Variants in TBC1D4 observed in about 807,000 individuals in gnomAD.
TBC1D4 encodes the protein TBC (Tre-2, BUB2, CDC16) domain-containing protein.
Under a neutral mutation model 142.5 loss-of-function variants are expected in TBC1D4, and 121 were observed. The ratio of observed to expected loss-of-function variants is 0.85; its 90% CI spans 0.73 to 0.99. The LOEUF is 0.99. TBC1D4 is among the 50% of genes least tolerant of loss of function. The pLI, the probability that TBC1D4 is intolerant of heterozygous loss-of-function variation, is 0.00. For missense variants in TBC1D4, 1,475 were observed against 1,606.6 expected, an observed-to-expected ratio of 0.92 and a Z score of 1.40; for synonymous variants, 630 against 628.2, an observed-to-expected ratio of 1.00 and a Z score of -0.04.
chr13:75,405,722 A>T (rs1885307285), intron 1 of TBC1D4, among the ~76,000 whole-genome samples: 1 of 152,190 alleles, frequency 6.6e-6, no homozygotes, highest in South Asian at 2.1e-4. Flanking sequence ...TTACCAAAAA[A>T]AGGTTGTAAA....
intron 1 of TBC1D4, among the ~76,000 whole-genome samples, chr13:75,409,808 C>T (rs915545351): frequency 1.3e-5 from 2 of 152,124 alleles, no homozygotes; most frequent in African/African-American, 4.8e-5. Context: ...TTTAGCGAAC[C>T]CTTTGCTAGA....
At chr13:75,374,020 G>A (rs892621138) in intron 1 of TBC1D4, among the ~76,000 whole-genome samples, 2 of 152,076 alleles carry the variant, frequency 1.3e-5, no homozygotes, top group South Asian at 2.1e-4. Context: ...CTTCATCTAC[G>A]CACCTCACAC....
At chr13:75,437,203 TG>T (rs1333249514) in intron 1 of TBC1D4, among the ~76,000 whole-genome samples, 3 of 152,324 alleles carry the variant, frequency 2.0e-5, no homozygotes, top group African/African-American at 7.2e-5. Flanking sequence ...GTGGATTAAA[TG>T]GTAACAACAG....
intron 1 of TBC1D4, among the ~76,000 whole-genome samples, chr13:75,441,460 T>G (rs1228650198): frequency 3.9e-5 from 6 of 152,140 alleles, no homozygotes; most frequent in Non-Finnish European, 4.4e-5. Context: ...GAATATCTAA[T>G]CAATCTCGAA....
chr13:75,473,773 A>C (rs1888513244), intron 1 of TBC1D4, among the ~76,000 whole-genome samples: 1 of 152,232 alleles, frequency 6.6e-6, no homozygotes, highest in South Asian at 2.1e-4. Context: ...AGATTATCTG[A>C]AATGAAACCA....
At chr13:75,361,572 G>T (rs1466537593) in intron 2 of TBC1D4, among the ~76,000 whole-genome samples, 2 of 152,140 alleles carry the variant, frequency 1.3e-5, no homozygotes, top group African/African-American at 2.4e-5. Flanking sequence ...TAGAGACGGG[G>T]TTTTGCCATG....
intron 1 of TBC1D4, among the ~76,000 whole-genome samples, chr13:75,481,046 AGCCGGCCG>A (rs1888840546): frequency 2.6e-5 from 4 of 152,126 alleles, no homozygotes; most frequent in African/African-American, 9.7e-5. Context: ...TCCCTGCTGT[AGCCGGCCG>A]GCCGCTCCCG....
Position 75,285,474 on chromosome 13 carries a change from G to C in TBC1D4, c.*1318C>G, listed in dbSNP as rs1874580531. The C allele has an allele frequency of 6.6e-6, 1 of 152,420 alleles. No homozygotes were observed. Among genetic ancestry groups the C allele is most frequent in the South Asian group, 2.1e-4 (1 of 4,828 alleles). 9.4% of individuals were successfully genotyped at this position (152,420 alleles called of 1,614,324 possible). A position where few individuals can be genotyped will look rare whatever the true frequency, so the allele number is the denominator to read the frequency against. On this transcript the variant is annotated 3_prime_UTR_variant, in exon 21 of 21. Transcript: ENST00000377636. The stretch of plus-strand genomic sequence containing the variant: ...CTATCATAGAATCATCTCTGAAAAA[G>C]AGAACTGCAAATGTACTTTGAAAAT...
At chr13:75,338,975 G>A (rs1880452124) in intron 7 of TBC1D4, among the ~76,000 whole-genome samples, 1 of 152,096 alleles carries the variant, frequency 6.6e-6, no homozygotes, top group Non-Finnish European at 1.5e-5. Flanking sequence ...TCTTCACTCA[G>A]TTCCTTCCCC....
At chr13:75,337,725 A>C (rs1210103971) in intron 7 of TBC1D4, among the ~76,000 whole-genome samples, 1 of 152,214 alleles carries the variant, frequency 6.6e-6, no homozygotes, top group Non-Finnish European at 1.5e-5. Context: ...CAAATACCAA[A>C]GCAGGAAGAT....
chr13:75,314,978 T>C (rs1480709507), intron 12 of TBC1D4, among the ~76,000 whole-genome samples: 1 of 149,812 alleles, frequency 6.7e-6, no homozygotes, highest in African/African-American at 2.5e-5. Context: ...AGGCTCCATG[T>C]CAAAATAAAA....
Position 75,460,715 on chromosome 13 carries a change from G to T in TBC1D4, c.498+20555C>A, listed in dbSNP as rs1478615920. On this transcript the variant is annotated intron_variant, in intron 1 of 20. Coordinates refer to ENST00000377636, the MANE Select transcript of TBC1D4 (RefSeq NM_014832.5). ...GCGGAAGGATCGCTTGATCCCAAGA[G>T]TTCAACACTGGCCTGGGCAACACAG... is the stretch of plus-strand genomic sequence containing the variant. 2.0e-5 allele frequency among the ~76,000 whole-genome samples: 3 copies of T among 151,990 alleles called. No homozygotes were observed. The East Asian group carries it at 5.8e-4, about 29-fold the overall frequency.
intron 4 of TBC1D4, among the ~76,000 whole-genome samples, chr13:75,353,192 C>A (rs1014118692): frequency 1.3e-5 from 2 of 152,178 alleles, no homozygotes; most frequent in African/African-American, 2.4e-5. Flanking sequence ...AGCATGTTCC[C>A]AGACTTTCTA....
In TBC1D4 at chr13:75,481,456, G is replaced by GC. The variant is rs749748051; in HGVS notation, c.311dup (p.Thr105HisfsTer2). The GC allele has an allele frequency of 3.1e-6, 5 of 1,613,664 alleles. No individual in the cohort carries two copies. The highest frequency in any genetic ancestry group is 2.2e-5 in the East Asian group (1 of 44,842). On this transcript the variant is annotated frameshift_variant, in exon 1 of 21. Coordinates refer to ENST00000377636, the MANE Select transcript of TBC1D4 (RefSeq NM_014832.5). LOFTEE classifies it high-confidence loss of function. ...TGGGCTGCGTGGCCGACGGACTAGT[G>GC]CCCCCCGAGGCCCCAGCGCCCGGCG...
rs1888915332 is a variant in TBC1D4, at chr13:75,482,046, C to A, written c.-279G>T. On this transcript the variant is annotated 5_prime_UTR_variant, in exon 1 of 21. Coordinates refer to ENST00000377636, the MANE Select transcript of TBC1D4 (RefSeq NM_014832.5). ...CTCCTCCTTGGGCTGGCGCCTCGGG[C>A]AGGACCTCCCCTTCCTCCGTCGCGG... The A allele has an allele frequency of 2.8e-6, 1 of 360,246 alleles. No homozygotes were observed. Among genetic ancestry groups the A allele is most frequent in the East Asian group, 4.4e-5 (1 of 22,910 alleles). 22.3% of individuals were successfully genotyped at this position (360,246 alleles called of 1,614,324 possible). A position where few individuals can be genotyped will look rare whatever the true frequency, so the allele number is the denominator to read the frequency against.
At chr13:75,466,335 C>T (rs1888165158) in intron 1 of TBC1D4, among the ~76,000 whole-genome samples, 1 of 152,182 alleles carries the variant, frequency 6.6e-6, no homozygotes, top group African/African-American at 2.4e-5. Flanking sequence ...ATGGGATTTT[C>T]CTGCATTTAC....
chr13:75,326,454 T>A (rs765077204), intron 9 of TBC1D4, 31 bp from the exon 10 acceptor site: 1 of 1,611,500 alleles, frequency 6.2e-7, no homozygotes. Flanking sequence ...AGCCCTTTAT[T>A]TCCCACGTGG....
intron 1 of TBC1D4, among the ~76,000 whole-genome samples, chr13:75,404,377 T>A (rs1885234830): frequency 6.6e-6 from 1 of 152,234 alleles, no homozygotes; most frequent in East Asian, 1.9e-4. Context: ...AATGTCCTTT[T>A]TCTGTTTCAG....
chr13:75,336,656 G>A (rs544227187), intron 8 of TBC1D4, among the ~76,000 whole-genome samples: 5 of 152,150 alleles, frequency 3.3e-5, no homozygotes, highest in Admixed American at 6.5e-5. Flanking sequence ...CAGGAGAATC[G>A]CTTGAATGCA....
Sources: allele counts gnomAD v4.1 joint callset (sites outside exome capture counted in the v4.1 genomes callset), GRCh38; gene constraint gnomAD v4.1.1; transcripts MANE v1.5; gene names NCBI Gene and HGNC (gene_info 2026-07-23, HGNC 2026-07-21).